Variants in ADGRL2 observed in about 807,000 individuals in gnomAD.
ADGRL2 encodes the protein adhesion G protein-coupled receptor L2.
A neutral mutation model predicts 157.4 loss-of-function variants in ADGRL2; 44 were observed. That is an observed-to-expected ratio of 0.28 (90% CI 0.22 to 0.36). ADGRL2 has a LOEUF of 0.36. Ranked by LOEUF, ADGRL2 falls within the 10% of genes least tolerant of loss-of-function variation. ADGRL2 has a pLI of 1.00. For missense variants in ADGRL2, 1,510 were observed against 1,768.9 expected (o/e 0.85, Z 2.63); for synonymous variants, 585 against 624.7 (o/e 0.94, Z 0.95).
chr1:81,647,710 C>G (rs2082340860), intron 3 of ADGRL2, among the ~76,000 whole-genome samples: 1 of 152,104 alleles, frequency 6.6e-6, no homozygotes, highest in African/African-American at 2.4e-5. Context: ...ATTTAAGGTG[C>G]ACTCTCAACA....
intron 3 of ADGRL2, among the ~76,000 whole-genome samples, chr1:81,693,117 C>T (rs2083375850): frequency 6.6e-6 from 1 of 152,104 alleles, no homozygotes; most frequent in Non-Finnish European, 1.5e-5. Flanking sequence ...TGATGTATGG[C>T]TAACACATCC....
At chr1:81,723,409 C>T (rs558565107) in intron 1 of ADGRL2, among the ~76,000 whole-genome samples, 21 of 152,284 alleles carry the variant, frequency 1.4e-4, no homozygotes, top group African/African-American at 5.1e-4. Flanking sequence ...ACTTTTTAAA[C>T]CTTAAAAATA....
chr1:81,430,928 A>G (rs1240223549), intron 1 of ADGRL2, among the ~76,000 whole-genome samples: 4 of 152,224 alleles, frequency 2.6e-5, no homozygotes, highest in South Asian at 2.1e-4. Flanking sequence ...GTCTTGAAAG[A>G]AAAAGAAGCA....
Position 81,571,122 on chromosome 1 carries a change from G to A in ADGRL2, c.-247-9754G>A, listed in dbSNP as rs2080679181. ...GGCAGATCACCTGAGGTCAGGAGTT[G>A]GAGACCCGCCTGGCCAAAGTGGTGA... On this transcript the variant is annotated intron_variant, in intron 2 of 24. Transcript: ENST00000370721. Among the ~76,000 whole-genome samples, 6 of 151,696 alleles carry A rather than the reference G, an allele frequency of 4.0e-5. No individual in the cohort carries two copies. The South Asian group carries it at 1.2e-3, about 32-fold the overall frequency.
intron 2 of ADGRL2, among the ~76,000 whole-genome samples, chr1:81,889,875 T>G (rs1384533707): frequency 6.6e-6 from 1 of 152,204 alleles, no homozygotes; most frequent in Admixed American, 6.5e-5. Context: ...TTATGTTAAG[T>G]CTGAGGAATA....
At position 81,592,626 on chromosome 1, in the gene ADGRL2, G is replaced by A. The variant is rs187695517; in HGVS notation, c.-143+11646G>A. On this transcript the variant is annotated intron_variant, in intron 3 of 24. Coordinates refer to the ADGRL2 transcript ENST00000370721. The stretch of plus-strand genomic sequence containing the variant: ...GATTCTTATAAAACTAATTTATTGA[G>A]GGAGTGCTTTCGGAGAAGGGGAAGG... Among the ~76,000 whole-genome samples the A allele has an allele frequency of 5.3e-5, 8 of 152,264 alleles. No homozygotes were observed. In the East Asian group the frequency reaches 1.2e-3, roughly 22 times the overall value.
intron 2 of ADGRL2, among the ~76,000 whole-genome samples, chr1:81,492,552 T>G (rs9658996): frequency 0.15 from 22,115 of 151,990 alleles, 2,954 homozygotes; most frequent in African/African-American, 0.36. Flanking sequence ...TAGAAATACT[T>G]GGACCTAGAC....
chr1:81,601,637 C>CA (rs1199996840), intron 3 of ADGRL2, among the ~76,000 whole-genome samples: 2 of 152,226 alleles, frequency 1.3e-5, no homozygotes, highest in South Asian at 2.1e-4. Flanking sequence ...TCTTAACTAA[C>CA]AAAAAACAGC....
At chr1:81,749,252 A>G (rs12143952) in intron 1 of ADGRL2, among the ~76,000 whole-genome samples, 9,964 of 152,198 alleles carry the variant, frequency 0.065, 433 homozygotes, top group South Asian at 0.14. Flanking sequence ...AGTTTGCTAC[A>G]TATTTGGCCC....
chr1:81,647,921 T>G (rs993622261), intron 3 of ADGRL2, among the ~76,000 whole-genome samples: 8 of 152,220 alleles, frequency 5.3e-5, no homozygotes, highest in Non-Finnish European at 1.0e-4. Context: ...AGCACGGCCC[T>G]GCTTTGGGGT....
At chr1:81,800,664 C>T (rs939796723), upstream of ADGRL2, among the ~76,000 whole-genome samples, 5 of 152,094 alleles carry the variant, frequency 3.3e-5, no homozygotes, top group African/African-American at 1.2e-4. Context: ...AAATACTCTT[C>T]ACCCACTCCA....
upstream of ADGRL2, chr1:81,800,352 A>ACC (rs1212613443): frequency 2.0e-5 from 3 of 152,080 alleles, no homozygotes; most frequent in African/African-American, 7.2e-5. Context: ...AGACGCATTA[A>ACC]CCCTGGAGCG....
intron 3 of ADGRL2, among the ~76,000 whole-genome samples, chr1:81,674,827 G>A (rs1479040487): frequency 6.6e-6 from 1 of 151,994 alleles, no homozygotes; most frequent in African/African-American, 2.4e-5. Context: ...AAAAGAGAGG[G>A]CTATGTATTT....
intron 2 of ADGRL2, among the ~76,000 whole-genome samples, chr1:81,470,442 C>T (rs997474687): frequency 6.6e-6 from 1 of 152,128 alleles, no homozygotes; most frequent in Non-Finnish European, 1.5e-5. Flanking sequence ...GTTCCTCTTC[C>T]CTTTCTTGTT....
intron 2 of ADGRL2, chr1:81,503,146 C>T: frequency 6.2e-7 from 1 of 1,614,138 alleles, no homozygotes; most frequent in South Asian, 1.1e-5. Flanking sequence ...GCAGGCCTTC[C>T]AGCGCAACTT....
At chr1:81,773,792 G>A (rs572583378) in intron 2 of ADGRL2, among the ~76,000 whole-genome samples, 11 of 152,272 alleles carry the variant, frequency 7.2e-5, no homozygotes, top group Non-Finnish European at 1.3e-4. Context: ...GCTGAATTGT[G>A]TCGTCTCAAA....
intron 1 of ADGRL2, among the ~76,000 whole-genome samples, chr1:81,367,194 C>A (rs2076081077): frequency 9.3e-6 from 1 of 107,098 alleles, no homozygotes; most frequent in African/African-American, 2.7e-5. Context: ...CAGGCAGTAA[C>A]TCTTGTTTTG....
At chr1:81,475,312 A>T (rs575880290) in intron 2 of ADGRL2, among the ~76,000 whole-genome samples, 2 of 152,252 alleles carry the variant, frequency 1.3e-5, no homozygotes, top group East Asian at 3.9e-4. Context: ...TGCATGCATA[A>T]TCAGCTACTC....
At chr1:81,581,874 GCACACACACACACA>G (rs869309464) in intron 3 of ADGRL2, among the ~76,000 whole-genome samples, 7 of 83,452 alleles carry the variant, frequency 8.4e-5, no homozygotes, top group African/African-American at 1.6e-4. Context: ...ACACATGCGC[GCACACACACACACA>G]CACACACACA....
Sources: allele counts gnomAD v4.1 joint callset (sites outside exome capture counted in the v4.1 genomes callset), GRCh38; gene constraint gnomAD v4.1.1; transcripts MANE v1.5; gene names NCBI Gene and HGNC (gene_info 2026-07-23, HGNC 2026-07-21).